Variants in NTRK3 observed in about 807,000 individuals in gnomAD.
NTRK3 encodes neurotrophic receptor tyrosine kinase 3, also known as NT-3 growth factor receptor.
A neutral mutation model predicts 91.7 loss-of-function variants in NTRK3; 24 were observed. That is an observed-to-expected ratio of 0.26 (90% CI 0.19 to 0.37). The LOEUF (loss-of-function observed/expected upper bound fraction) is 0.37. NTRK3 is among the 10% of genes least tolerant of loss of function. The pLI is 1.00. For missense variants in NTRK3, 880 were observed against 1,068.9 expected (o/e 0.82, Z 2.46); for synonymous variants, 483 against 404.0 (o/e 1.20, Z -2.34).
At chr15:88,044,264 T>C (rs1264754058) in intron 13 of NTRK3, among the ~76,000 whole-genome samples, 2 of 141,618 alleles carry the variant, frequency 1.4e-5, no homozygotes, top group Non-Finnish European at 1.5e-5. Flanking sequence ...CTTTTTTTTT[T>C]TTTTTTTTTT....
exon 1 of NTRK3, chr15:88,256,735 A>G (rs1198269582): frequency 5.8e-6 from 2 of 341,998 alleles, no homozygotes; most frequent in Non-Finnish European, 5.2e-6. Flanking sequence ...GAAATGTACA[A>G]GTGCTCCGAG....
chr15:87,946,874 C>CTTTT lies in NTRK3; in HGVS notation c.1586-6125_1586-6122dup, dbSNP rs560114979. ...TTTACAGCTCTGTCTTTCGTGGGTT[C>CTTTT]TTTTTTTTTTTTTTTTTTTTTTTTT... On this transcript the variant is annotated intron_variant, in intron 14 of 18. Coordinates refer to ENST00000394480, the Ensembl canonical transcript of NTRK3. Among the ~76,000 whole-genome samples, 92 of 85,438 alleles carry CTTTT rather than the reference C, an allele frequency of 1.1e-3. 1 individual carries two copies. Among genetic ancestry groups the CTTTT allele is most frequent in the East Asian group, 2.5e-3 (6 of 2,360 alleles). The allele number at this position is 85,438 out of a possible 152,430, so 56.1% of individuals were successfully genotyped here.
Position 87,861,840 on chromosome 15 carries a change from T to C in NTRK3, c.*15095A>G, listed in dbSNP as rs2064533657. ...GCCAGTTCCCTCCTGGGGCTTCTATTGGCATCATCTCTCCTTCTAGAGATG... is the reference window on the plus strand; with the variant it reads ...GCCAGTTCCCTCCTGGGGCTTCTATCGGCATCATCTCTCCTTCTAGAGATG... On this transcript the variant is annotated 3_prime_UTR_variant, in exon 19 of 19. Transcript: ENST00000394480. 3 of 206,218 alleles carry C rather than the reference T, an allele frequency of 1.5e-5. No homozygotes were observed. The South Asian group carries it at 5.7e-4, about 39-fold the overall frequency. 12.8% of individuals were successfully genotyped at this position (206,218 alleles called of 1,614,324 possible).
intron 13 of NTRK3, among the ~76,000 whole-genome samples, chr15:88,050,622 C>G (rs760179297): frequency 5.3e-5 from 8 of 152,060 alleles, no homozygotes; most frequent in Non-Finnish European, 1.0e-4. Context: ...AGGGATCAGG[C>G]TATGCTTTCC....
intron 3 of NTRK3, among the ~76,000 whole-genome samples, chr15:88,242,755 C>T (rs1329873474): frequency 6.6e-6 from 1 of 152,178 alleles, no homozygotes; most frequent in Non-Finnish European, 1.5e-5. Context: ...CATTCTTCCC[C>T]AACAGTCCAG....
chr15:87,865,378 G>A (rs1281258363), exon 19 of NTRK3: 1 of 212,588 alleles, frequency 4.7e-6, no homozygotes, highest in African/African-American at 2.3e-5. Flanking sequence ...CTGTGACTTT[G>A]GCATTCTGGC....
At chr15:87,972,275 C>A (rs1429843286) in intron 14 of NTRK3, among the ~76,000 whole-genome samples, 1 of 152,196 alleles carries the variant, frequency 6.6e-6, no homozygotes, top group Non-Finnish European at 1.5e-5. Context: ...AGCTGGTCAT[C>A]ACTGCAATCC....
intron 3 of NTRK3, among the ~76,000 whole-genome samples, chr15:88,205,183 G>C (rs1268192646): frequency 6.6e-6 from 1 of 152,174 alleles, no homozygotes; most frequent in Admixed American, 6.5e-5. Flanking sequence ...GGGAAGACGA[G>C]GGATCTGGAT....
intron 17 of NTRK3, among the ~76,000 whole-genome samples, chr15:87,922,273 G>C (rs1184620874): frequency 1.3e-5 from 2 of 152,318 alleles, no homozygotes; most frequent in East Asian, 1.9e-4. Context: ...AAAAGACTTA[G>C]AGGAGCCTCA....
intron 14 of NTRK3, among the ~76,000 whole-genome samples, chr15:87,975,592 C>G (rs891713589): frequency 6.6e-6 from 1 of 152,282 alleles, no homozygotes; most frequent in East Asian, 1.9e-4. Context: ...GAGTTCAGCT[C>G]TCCGCATCTG....
intron 14 of NTRK3, among the ~76,000 whole-genome samples, chr15:88,027,556 G>C (rs1324791899): frequency 6.6e-6 from 1 of 152,074 alleles, no homozygotes; most frequent in East Asian, 1.9e-4. Flanking sequence ...CTAATTTTTT[G>C]TATTTTTAGT....
At chr15:87,902,525 A>C (rs758727171) in intron 17 of NTRK3, among the ~76,000 whole-genome samples, 1 of 152,214 alleles carries the variant, frequency 6.6e-6, no homozygotes, top group Non-Finnish European at 1.5e-5. Context: ...ATGATGATGA[A>C]ATTATGGAAA....
rs182353123 is a variant in NTRK3 at position 88,161,146 on chromosome 15, G to A, written c.396-13743C>T. ...GCTAACAAACATGGTGATTGCTCTT[G>A]GCCAGCTATCTTTAAGGGTTTTGCA... On this transcript the variant is annotated intron_variant, in intron 5 of 18. Transcript: ENST00000394480. Among the ~76,000 whole-genome samples, 13 of 152,288 alleles carry A rather than the reference G, an allele frequency of 8.5e-5. No individual in the cohort carries two copies. The East Asian group carries it at 2.5e-3, about 29-fold the overall frequency.
chr15:87,998,171 A>C (rs2075841522), intron 14 of NTRK3, among the ~76,000 whole-genome samples: 1 of 152,196 alleles, frequency 6.6e-6, no homozygotes, highest in Non-Finnish European at 1.5e-5. Context: ...AAGTGTCTCT[A>C]GACATTGTCA....
intron 3 of NTRK3, among the ~76,000 whole-genome samples, chr15:88,208,568 G>A (rs1280268651): frequency 6.6e-6 from 1 of 152,164 alleles, no homozygotes; most frequent in Non-Finnish European, 1.5e-5. Context: ...CAGGATGGCT[G>A]AGGCTGCTAG....
At chr15:88,096,676 G>A (rs189918126) in intron 13 of NTRK3, among the ~76,000 whole-genome samples, 1 of 152,288 alleles carries the variant, frequency 6.6e-6, no homozygotes, top group Admixed American at 6.5e-5. Flanking sequence ...AATTAATGGA[G>A]GACAGGAGTC....
intron 14 of NTRK3, among the ~76,000 whole-genome samples, chr15:87,956,048 G>A (rs907812288): frequency 6.6e-6 from 1 of 152,000 alleles, no homozygotes; most frequent in Non-Finnish European, 1.5e-5. Context: ...TGGGGTACTG[G>A]GAAGGTGTGT....
Position 88,256,500 on chromosome 15 carries a change from C to A in NTRK3, c.-218-14G>T. 8 of 492,440 alleles carry A rather than the reference C, an allele frequency of 1.6e-5. No homozygotes were observed. The highest frequency in any genetic ancestry group is 7.5e-5 in the South Asian group (2 of 26,530). The allele number at this position is 492,440 out of a possible 1,614,324, so 30.5% of individuals were successfully genotyped here. On this transcript the variant is annotated splice_polypyrimidine_tract_variant and intron_variant, in intron 1 of 18. Transcript: ENST00000394480. ...CCGACTCCGAGACTTTGCAGGGTTG[C>A]AACAGACGGTGGGGAGGCAAAAAAA...
chr15:87,948,086 G>A (rs1253602097), intron 14 of NTRK3, among the ~76,000 whole-genome samples: 1 of 152,184 alleles, frequency 6.6e-6, no homozygotes, highest in Non-Finnish European at 1.5e-5. Context: ...GCAAGCAAGA[G>A]GAGCTAATTG....
Sources: allele counts gnomAD v4.1 joint callset (sites outside exome capture counted in the v4.1 genomes callset), GRCh38; gene constraint gnomAD v4.1.1; transcripts MANE v1.5; gene names NCBI Gene and HGNC (gene_info 2026-07-23, HGNC 2026-07-21).